CELF2: variants seen among roughly 807,000 people sequenced by gnomAD.
CELF2 encodes CUG triplet repeat RNA-binding protein 2.
In CELF2, 8 loss-of-function variants were observed where a neutral mutation model predicts 62.6. The ratio of observed to expected loss-of-function variants is 0.13; its 90% CI spans 0.07 to 0.23. The LOEUF is 0.23. Ranked by LOEUF, CELF2 falls within the 10% of genes least tolerant of loss-of-function variation. CELF2 has a pLI of 1.00. For synonymous variants in CELF2, 258 were observed against 250.0 expected (o/e 1.03, Z -0.30); for missense variants, 333 against 671.0 (o/e 0.50, Z 5.56).
chr10:11,169,568 A>AG (rs5783194), intron 2 of CELF2, among the ~76,000 whole-genome samples: 151,197 of 152,342 alleles, frequency 0.99, 75,030 homozygotes, highest in Middle Eastern at 1. Flanking sequence ...CATGAAGTAG[A>AG]GAAGGGAAGG....
chr10:10,655,640 A>G, the CELF2 span, among the ~76,000 whole-genome samples: 1 of 123,922 alleles, frequency 8.1e-6, no homozygotes, highest in African/African-American at 2.9e-5. Flanking sequence ...CCTATTTAAT[A>G]AATGGTGCTG....
rs1224281540 is a variant in CELF2, at chr10:11,268,424, G to C, written c.618+1747G>C. Among the ~76,000 whole-genome samples the C allele has an allele frequency of 1.3e-5, 2 of 152,096 alleles. No homozygotes were observed. Among genetic ancestry groups the C allele is most frequent in the Non-Finnish European group, 2.9e-5 (2 of 68,020 alleles). On this transcript the variant is annotated intron_variant, in intron 6 of 12. Transcript: ENST00000633077. The surrounding 1 kb of genome is among the most constrained non-coding windows in gnomAD (Gnocchi z 4.7). ...CTTGGAGCCCCCCCAGTAATGCTCA[G>C]AGAGCCACGGACAACCCACGGGAGA...
At chr10:10,917,589 C>T (rs949068598) in intron 1 of CELF2, among the ~76,000 whole-genome samples, 1 of 152,190 alleles carries the variant, frequency 6.6e-6, no homozygotes, top group Admixed American at 6.5e-5. Context: ...CGTCCTCCTG[C>T]CTCAGCCTCC....
At chr10:10,968,798 A>C (rs2050436110) in intron 2 of CELF2, among the ~76,000 whole-genome samples, 1 of 152,180 alleles carries the variant, frequency 6.6e-6, no homozygotes, top group African/African-American at 2.4e-5. Flanking sequence ...TTTTCCTGGC[A>C]AAGAATCCAT....
rs1477562959 is a variant in CELF2 at position 10,928,421 on chromosome 10, C to G, written c.89+8422C>G. ...TTCTCCCCTACCAAACTCTCTACCA[C>G]TTGTTCTTCTAGATCCGGATTTTGC... is the stretch of plus-strand genomic sequence containing the variant. On this transcript the variant is annotated intron_variant, in intron 2 of 13. Transcript: ENST00000636488. The surrounding 1 kb of genome is among the most constrained non-coding windows in gnomAD (Gnocchi z 4.8). Among the ~76,000 whole-genome samples the G allele has an allele frequency of 6.6e-6, 1 of 152,186 alleles. No individual in the cohort carries two copies. Among genetic ancestry groups the G allele is most frequent in the African/African-American group, 2.4e-5 (1 of 41,440 alleles).
intron 1 of CELF2, among the ~76,000 whole-genome samples, chr10:10,876,292 G>A (rs1478720213): frequency 1.3e-5 from 2 of 152,146 alleles, no homozygotes; most frequent in East Asian, 1.9e-4. Context: ...ATGCTTAGGA[G>A]GAAGAGAGCG....
At chr10:10,697,406 T>G in the CELF2 span, among the ~76,000 whole-genome samples, 2 of 152,174 alleles carry the variant, frequency 1.3e-5, no homozygotes, top group Non-Finnish European at 2.9e-5. Flanking sequence ...CAGCATTGCT[T>G]AAGGCCAGTG....
At chr10:10,701,743 C>T in the CELF2 span, among the ~76,000 whole-genome samples, 2 of 152,172 alleles carry the variant, frequency 1.3e-5, no homozygotes, top group African/African-American at 4.8e-5. Flanking sequence ...AGAGGCCGTG[C>T]GGGGTGCAGC....
At chr10:11,204,958 C>A (rs2399665) in intron 2 of CELF2, among the ~76,000 whole-genome samples, 1 of 152,220 alleles carries the variant, frequency 6.6e-6, no homozygotes, top group Non-Finnish European at 1.5e-5. Flanking sequence ...GGTTTTATTT[C>A]AAATAACAAA....
At chr10:10,759,060 A>T in the CELF2 span, among the ~76,000 whole-genome samples, 1 of 152,224 alleles carries the variant, frequency 6.6e-6, no homozygotes, top group African/African-American at 2.4e-5. Context: ...TGCTTCACAG[A>T]GATATGAGCT....
At chr10:10,593,038 G>A in the CELF2 span, among the ~76,000 whole-genome samples, 1 of 152,168 alleles carries the variant, frequency 6.6e-6, no homozygotes, top group Non-Finnish European at 1.5e-5. Flanking sequence ...CTGAGAGAAA[G>A]GGCATTCCCA....
the CELF2 span, among the ~76,000 whole-genome samples, chr10:10,678,359 A>G: frequency 6.6e-6 from 1 of 152,112 alleles, no homozygotes; most frequent in African/African-American, 2.4e-5. Flanking sequence ...GTCAGATAGT[A>G]AGCACTGGTG....
At chr10:10,696,315 A>C in the CELF2 span, among the ~76,000 whole-genome samples, 174 of 150,876 alleles carry the variant, frequency 1.2e-3, 1 homozygote, top group African/African-American at 4.1e-3. Context: ...TAGGCTGCTC[A>C]GGGGTCAGGG....
chr10:10,666,257 A>T, the CELF2 span, among the ~76,000 whole-genome samples: 1 of 152,188 alleles, frequency 6.6e-6, no homozygotes, highest in South Asian at 2.1e-4. Context: ...CATTTGTCAG[A>T]TGCCACTAGT....
At chr10:11,183,576 TCATTCCCTCCA>T (rs2074064848) in intron 2 of CELF2, among the ~76,000 whole-genome samples, 1 of 152,234 alleles carries the variant, frequency 6.6e-6, no homozygotes, top group Admixed American at 6.5e-5. Flanking sequence ...CCTGAGAGTT[TCATTCCCTCCA>T]CATTCCCTCC....
At chr10:10,533,634 G>A in the CELF2 span, among the ~76,000 whole-genome samples, 6 of 152,208 alleles carry the variant, frequency 3.9e-5, no homozygotes, top group Admixed American at 1.3e-4. Flanking sequence ...GCCCTTGGGC[G>A]AATGGCTTAA....
At chr10:11,082,827 G>C (rs561501047) in intron 1 of CELF2, among the ~76,000 whole-genome samples, 1 of 152,316 alleles carries the variant, frequency 6.6e-6, no homozygotes, top group East Asian at 1.9e-4. Flanking sequence ...GATACCTCTT[G>C]TAGATGGAGA....
the CELF2 span, among the ~76,000 whole-genome samples, chr10:10,571,296 A>G: frequency 0.028 from 4,281 of 152,324 alleles, 180 homozygotes; most frequent in African/African-American, 0.093. Flanking sequence ...AACGTACTTC[A>G]GTCAGTAAAA....
intron 12 of CELF2, among the ~76,000 whole-genome samples, chr10:11,327,638 A>C (rs937897563): frequency 6.6e-6 from 1 of 152,210 alleles, no homozygotes; most frequent in African/African-American, 2.4e-5. Flanking sequence ...TCCTTGATAA[A>C]GACCCAGAGG....
Sources: allele counts gnomAD v4.1 joint callset (sites outside exome capture counted in the v4.1 genomes callset), GRCh38; gene constraint gnomAD v4.1.1; non-coding constraint Gnocchi (gnomAD v3.1); transcripts MANE v1.5; gene names NCBI Gene and HGNC (gene_info 2026-07-23, HGNC 2026-07-21).